The following GMEB1 variants were observed in gnomAD, a reference collection of about 807,000 sequenced individuals.
The protein encoded by GMEB1 is glucocorticoid modulatory element-binding protein 1.
In GMEB1, 6 loss-of-function variants were observed where a neutral mutation model predicts 52.4. The observed-to-expected ratio is 0.11, with a 90% CI of 0.06 to 0.23. The LOEUF (loss-of-function observed/expected upper bound fraction) is 0.23. GMEB1 is among the 10% of genes least tolerant of loss of function. GMEB1 has a pLI of 1.00. For synonymous variants in GMEB1, 255 were observed against 244.9 expected (o/e 1.04, Z -0.38); for missense variants, 486 against 685.6 (o/e 0.71, Z 3.25).
chr1:28,670,488 C>G (rs1335106024), intron 1 of GMEB1, among the ~76,000 whole-genome samples: 1 of 152,174 alleles, frequency 6.6e-6, no homozygotes, highest in East Asian at 1.9e-4. Flanking sequence ...CCACCACACC[C>G]AGCTAATTTT....
intron 6 of GMEB1, among the ~76,000 whole-genome samples, chr1:28,699,494 A>G (rs1010409236): frequency 2.0e-5 from 3 of 151,784 alleles, no homozygotes; most frequent in African/African-American, 7.3e-5. Flanking sequence ...CAATGGTGCA[A>G]TCTTGGCTCA....
intron 9 of GMEB1, among the ~76,000 whole-genome samples, chr1:28,712,636 T>C (rs548384370): frequency 1.5e-4 from 23 of 151,700 alleles, no homozygotes; most frequent in African/African-American, 5.6e-4. Context: ...CTGGCCAATA[T>C]GGTGAAACCT....
At chr1:28,669,564 G>A (rs1570367860) in intron 1 of GMEB1, among the ~76,000 whole-genome samples, 1 of 152,094 alleles carries the variant, frequency 6.6e-6, no homozygotes, top group South Asian at 2.1e-4. Context: ...AGGCAGGGAA[G>A]GAAGAGGAGC....
At chr1:28,688,903 C>CTTTTTT (rs141260036) in intron 2 of GMEB1, among the ~76,000 whole-genome samples, 4 of 144,284 alleles carry the variant, frequency 2.8e-5, no homozygotes, top group African/African-American at 2.6e-5. Flanking sequence ...TTTTTTTTTT[C>CTTTTTT]TTTTTTGAGA....
At chr1:28,689,861 A>G (rs1669871171) in intron 2 of GMEB1, 2 of 382,086 alleles carry the variant, frequency 5.2e-6, no homozygotes, top group Non-Finnish European at 9.3e-6. Context: ...TAAATAAATA[A>G]GTAGCAAAAA....
intron 8 of GMEB1, among the ~76,000 whole-genome samples, chr1:28,709,017 C>G (rs1357161800): frequency 1.3e-5 from 2 of 151,846 alleles, no homozygotes; most frequent in Admixed American, 6.6e-5. Context: ...GCCTGTAATC[C>G]CAGCTACTGA....
chr1:28,690,705 G>C (rs539749868), intron 3 of GMEB1, among the ~76,000 whole-genome samples: 5 of 152,294 alleles, frequency 3.3e-5, no homozygotes, highest in African/African-American at 1.2e-4. Flanking sequence ...ATCTGGTCGA[G>C]CGCAGTGGCT....
At chr1:28,682,853 G>C (rs1409384221) in intron 1 of GMEB1, among the ~76,000 whole-genome samples, 3 of 152,080 alleles carry the variant, frequency 2.0e-5, no homozygotes, top group Non-Finnish European at 4.4e-5. Flanking sequence ...AACTGGTAAT[G>C]TGCTACAAAC....
intron 2 of GMEB1, among the ~76,000 whole-genome samples, chr1:28,689,288 A>C (rs1669842969): frequency 1.3e-5 from 2 of 151,980 alleles, no homozygotes; most frequent in Non-Finnish European, 2.9e-5. Context: ...AACCTCCCAA[A>C]GTACTGGAAT....
At chr1:28,670,320 T>A (rs1467218733) in intron 1 of GMEB1, among the ~76,000 whole-genome samples, 2 of 150,780 alleles carry the variant, frequency 1.3e-5, no homozygotes, top group Admixed American at 1.3e-4. Context: ...ACCAGCCAAT[T>A]TTGTTGTTGT....
At chr1:28,688,543 G>A (rs1232960712) in intron 2 of GMEB1, among the ~76,000 whole-genome samples, 1 of 152,090 alleles carries the variant, frequency 6.6e-6, no homozygotes, top group Non-Finnish European at 1.5e-5. Flanking sequence ...GAGATATCTT[G>A]GAGAGATCTG....
chr1:28,685,066 T>C (rs1420579652), intron 2 of GMEB1, among the ~76,000 whole-genome samples: 1 of 152,200 alleles, frequency 6.6e-6, no homozygotes. Context: ...ACTGTGTAGC[T>C]AGAGTCAGAG....
At chr1:28,671,521 CTCTT>C (rs898201253) in intron 1 of GMEB1, among the ~76,000 whole-genome samples, 1 of 152,110 alleles carries the variant, frequency 6.6e-6, no homozygotes, top group Non-Finnish European at 1.5e-5. Context: ...TCCTCGGCCT[CTCTT>C]TAGCTCGAGT....
chr1:28,689,293 T>G (rs1669843243), intron 2 of GMEB1, among the ~76,000 whole-genome samples: 1 of 152,046 alleles, frequency 6.6e-6, no homozygotes, highest in South Asian at 2.1e-4. Flanking sequence ...CCCAAAGTAC[T>G]GGAATTACAG....
At chr1:28,674,661 C>G (rs1570377157) in intron 1 of GMEB1, among the ~76,000 whole-genome samples, 2 of 146,582 alleles carry the variant, frequency 1.4e-5, no homozygotes, top group Non-Finnish European at 3.0e-5. Flanking sequence ...TCCCAAAGTG[C>G]TGGGATTACA....
intron 2 of GMEB1, 83 bp from the exon 3 acceptor site, chr1:28,690,021 A>G: frequency 1.2e-6 from 1 of 859,734 alleles, no homozygotes; most frequent in Non-Finnish European, 1.9e-6. Context: ...ATAGTTTGAA[A>G]CAAATTTCTT....
chr1:28,702,529 C>A lies in GMEB1; in HGVS notation c.690C>A (p.Ala230=), dbSNP rs202064994. The change falls in exon 7 of 10, where the codon GCC becomes GCA. Residue 230 remains alanine, a synonymous_variant. Transcript: ENST00000373816. ...NSALTAAVTM[A]TEEGVKKDSE... Reference sequence around the variant, plus strand: ...CTCTCACCGCTGCTGTCACCATGGCCACGGAGGAGGGTGTAAAGAAAGACT... The same window carrying A: ...CTCTCACCGCTGCTGTCACCATGGCAACGGAGGAGGGTGTAAAGAAAGACT... 5.6e-6 allele frequency: 9 copies of A among 1,613,680 alleles called. No individual in the cohort carries two copies. The Admixed American group carries it at 1.3e-4, about 24-fold the overall frequency.
chr1:28,671,781 C>T (rs1454611307), intron 1 of GMEB1, among the ~76,000 whole-genome samples: 2 of 151,474 alleles, frequency 1.3e-5, no homozygotes, highest in Non-Finnish European at 1.5e-5. Flanking sequence ...AAAAATAAAA[C>T]GACTACACAG....
intron 6 of GMEB1, among the ~76,000 whole-genome samples, chr1:28,697,861 C>T (rs1220271182): frequency 6.6e-6 from 1 of 151,648 alleles, no homozygotes; most frequent in Non-Finnish European, 1.5e-5. Context: ...AGAGATCGGC[C>T]AGGTGCGGTG....
Sources: gnomAD v4.1 joint callset for allele counts (sites outside exome capture counted in the v4.1 genomes callset) on GRCh38, gnomAD v4.1.1 for gene constraint, MANE v1.5 for transcripts, NCBI Gene and HGNC (gene_info 2026-07-23, HGNC 2026-07-21) for gene names.